The following ANKRD55 variants were observed in gnomAD, a reference collection of about 807,000 sequenced individuals.
The protein encoded by ANKRD55 is ankyrin repeat domain 55.
Under a neutral mutation model 60.6 loss-of-function variants are expected in ANKRD55, and 41 were observed. That is an observed-to-expected ratio of 0.68 (90% CI 0.53 to 0.88). ANKRD55 has a LOEUF of 0.88. Among genes scored for constraint, ANKRD55 ranks in the 40% least tolerant of loss-of-function variants. The pLI is 0.00. For synonymous variants in ANKRD55, 264 were observed against 290.3 expected (o/e 0.91, Z 0.92); for missense variants, 732 against 767.6 (o/e 0.95, Z 0.55).
At chr5:56,130,247 A>G (rs1253183289) in intron 7 of ANKRD55, among the ~76,000 whole-genome samples, 1 of 152,174 alleles carries the variant, frequency 6.6e-6, no homozygotes, top group African/African-American at 2.4e-5. Flanking sequence ...CTCCGGAGAA[A>G]CTAGTTAACC....
chr5:56,150,087 G>T (rs1240100758), intron 6 of ANKRD55, among the ~76,000 whole-genome samples: 3 of 152,084 alleles, frequency 2.0e-5, no homozygotes, highest in Non-Finnish European at 4.4e-5. Flanking sequence ...TGATCCGCCT[G>T]CCTTGGCCTC....
At chr5:56,200,040 C>A (rs892736776) in intron 2 of ANKRD55, among the ~76,000 whole-genome samples, 1 of 152,114 alleles carries the variant, frequency 6.6e-6, no homozygotes, top group Non-Finnish European at 1.5e-5. Context: ...CCTGGAAGAA[C>A]GTGCATCAAA....
At chr5:56,121,498 G>A (rs571711937) in intron 8 of ANKRD55, among the ~76,000 whole-genome samples, 22 of 150,796 alleles carry the variant, frequency 1.5e-4, no homozygotes, top group African/African-American at 2.7e-4. Flanking sequence ...TCAGCCTCCC[G>A]AGTAGCTGGG....
chr5:56,145,391 C>CT (rs1757872954), intron 6 of ANKRD55, among the ~76,000 whole-genome samples: 1 of 152,164 alleles, frequency 6.6e-6, no homozygotes, highest in Admixed American at 6.5e-5. Context: ...TCCACATCTT[C>CT]TTTTTTTCCT....
intron 5 of ANKRD55, among the ~76,000 whole-genome samples, chr5:56,166,158 T>TTCCTTCCTTCCTTCCTTCCTTCC (rs58740295): frequency 2.8e-5 from 2 of 72,436 alleles, no homozygotes; most frequent in Admixed American, 1.5e-4. Context: ...TTCTTTCTTC[T>TTCCTTCCTTCCTTCCTTCCTTCC]TTCCTTCCTT....
intron 2 of ANKRD55, among the ~76,000 whole-genome samples, chr5:56,201,536 G>A (rs1759380459): frequency 6.6e-6 from 1 of 152,154 alleles, no homozygotes; most frequent in South Asian, 2.1e-4. Flanking sequence ...TCTGATTCTG[G>A]CACTGCCACT....
intron 8 of ANKRD55, among the ~76,000 whole-genome samples, chr5:56,125,066 G>A (rs998630354): frequency 2.6e-5 from 4 of 152,100 alleles, no homozygotes; most frequent in Non-Finnish European, 5.9e-5. Flanking sequence ...TTTGCTAAGT[G>A]GGTGGTATTG....
chr5:56,211,028 T>G (rs1045332399), intron 2 of ANKRD55, among the ~76,000 whole-genome samples: 14 of 152,142 alleles, frequency 9.2e-5, no homozygotes, highest in Admixed American at 2.0e-4. Flanking sequence ...AGATATACCC[T>G]CTCTGTAGTG....
chr5:56,199,673 A>G (rs1581016824), intron 2 of ANKRD55, among the ~76,000 whole-genome samples: 2 of 150,558 alleles, frequency 1.3e-5, no homozygotes, highest in African/African-American at 2.5e-5. Context: ...GGCGGATCAC[A>G]AGGTCAGGAG....
intron 7 of ANKRD55, chr5:56,137,122 A>C (rs1757626080): frequency 1.6e-6 from 2 of 1,260,638 alleles, no homozygotes; most frequent in Non-Finnish European, 2.3e-6. Context: ...AAGTATCTGA[A>C]AGATGTCACT....
At chr5:56,204,134 G>T (rs888545268) in intron 2 of ANKRD55, among the ~76,000 whole-genome samples, 2 of 152,160 alleles carry the variant, frequency 1.3e-5, no homozygotes, top group Admixed American at 6.5e-5. Context: ...CTTCTTTTGA[G>T]AAGTGTCTGT....
intron 9 of ANKRD55, among the ~76,000 whole-genome samples, chr5:56,115,195 G>A (rs943492461): frequency 9.3e-5 from 12 of 129,342 alleles, no homozygotes; most frequent in African/African-American, 3.6e-4. Flanking sequence ...TGAGACTCTG[G>A]TTCTAAAAAT....
At chr5:56,197,107 C>T (rs1449522291) in intron 2 of ANKRD55, among the ~76,000 whole-genome samples, 2 of 152,098 alleles carry the variant, frequency 1.3e-5, no homozygotes, top group East Asian at 3.8e-4. Flanking sequence ...AAGATTACTG[C>T]CCCATTATTA....
At chr5:56,144,039 G>C (rs1451108357) in intron 6 of ANKRD55, 110 bp from the exon 7 acceptor site, 1 of 1,382,470 alleles carries the variant, frequency 7.2e-7, no homozygotes, top group Non-Finnish European at 1.0e-6. Flanking sequence ...TGCGTTGGTT[G>C]TTTCCTGCTG....
intron 2 of ANKRD55, among the ~76,000 whole-genome samples, chr5:56,218,362 T>C (rs1759874065): frequency 6.6e-6 from 1 of 152,168 alleles, no homozygotes; most frequent in Admixed American, 6.5e-5. Context: ...AGGAGTCAAT[T>C]GATGCAGCAA....
chr5:56,199,903 A>T (rs1759325485), intron 2 of ANKRD55, among the ~76,000 whole-genome samples: 1 of 150,378 alleles, frequency 6.6e-6, no homozygotes, highest in African/African-American at 2.5e-5. Flanking sequence ...AAAAAAAAAA[A>T]AGAGGCCGAG....
At chr5:56,129,087 G>A (rs146466021) in intron 7 of ANKRD55, among the ~76,000 whole-genome samples, 2 of 152,306 alleles carry the variant, frequency 1.3e-5, no homozygotes, top group Admixed American at 6.5e-5. Context: ...ACACTAGTTT[G>A]TAAGTCAAGG....
intron 2 of ANKRD55, among the ~76,000 whole-genome samples, chr5:56,228,466 C>T (rs1760172414): frequency 6.6e-6 from 1 of 151,342 alleles, no homozygotes; most frequent in South Asian, 2.1e-4. Flanking sequence ...TACTCTGTCA[C>T]CCAGGCTGGA....
Position 56,111,328 on chromosome 5 carries a change from G to T in ANKRD55, c.1420C>A (p.Arg474=). 6.2e-7 allele frequency: 1 copy of T among 1,614,064 alleles called. No homozygotes were observed. The highest frequency in any genetic ancestry group is 8.5e-7 in the Non-Finnish European group (1 of 1,180,014). Residue 474 remains arginine (R), a synonymous_variant, in exon 10 of 12, where the codon CGA becomes AGA. Transcript: ENST00000341048. ...HHMAQRSQKS[R]SEQDLLNNRT... Reference sequence around the variant, plus strand: ...TTATTTAATAAATCCTGCTCACTTCGACTTTTCTGAGATCGCTGGGCCATA... The same window carrying T: ...TTATTTAATAAATCCTGCTCACTTCTACTTTTCTGAGATCGCTGGGCCATA...
Sources: allele counts gnomAD v4.1 joint callset (sites outside exome capture counted in the v4.1 genomes callset), GRCh38; gene constraint gnomAD v4.1.1; transcripts MANE v1.5; gene names NCBI Gene and HGNC (gene_info 2026-07-23, HGNC 2026-07-21).